NTM: variants seen among roughly 807,000 people sequenced by gnomAD.
NTM encodes neurotrimin.
In NTM, 13 loss-of-function variants were observed where a neutral mutation model predicts 42.1. That is an observed-to-expected ratio of 0.31 (90% CI 0.20 to 0.49). The LOEUF (loss-of-function observed/expected upper bound fraction) is 0.49. NTM is among the 20% of genes least tolerant of loss of function. The probability of loss-of-function intolerance (pLI) is 0.99; values close to 1 mark genes in which losing one functional copy is unlikely to be tolerated. For synonymous variants in NTM, 187 were observed against 179.2 expected (o/e 1.04, Z -0.35); for missense variants, 373 against 452.8 (o/e 0.82, Z 1.60).
chr11:132,183,818 T>C (rs181886430), intron 3 of NTM, among the ~76,000 whole-genome samples: 6 of 152,066 alleles, frequency 3.9e-5, no homozygotes, highest in Admixed American at 3.9e-4. Flanking sequence ...ATGACACCTG[T>C]GTTGTTAAAG....
chr11:132,024,400 T>C (rs1444606776), intron 2 of NTM, among the ~76,000 whole-genome samples: 2 of 152,182 alleles, frequency 1.3e-5, no homozygotes, highest in Non-Finnish European at 2.9e-5. Context: ...TTACCTAAAA[T>C]CGGAAATTAT....
intron 2 of NTM, among the ~76,000 whole-genome samples, chr11:132,087,356 G>A (rs549365339): frequency 3.3e-5 from 5 of 152,308 alleles, no homozygotes; most frequent in African/African-American, 1.2e-4. Flanking sequence ...GAAACAGGAG[G>A]CTTGGCTTAA....
At chr11:132,170,048 C>T (rs2075903297) in intron 3 of NTM, among the ~76,000 whole-genome samples, 1 of 152,178 alleles carries the variant, frequency 6.6e-6, no homozygotes, top group Non-Finnish European at 1.5e-5. Flanking sequence ...CATGGGGCTA[C>T]AGAAACCAGC....
intron 4 of NTM, among the ~76,000 whole-genome samples, chr11:132,232,989 A>T (rs937036051): frequency 2.0e-5 from 3 of 152,208 alleles, no homozygotes; most frequent in Non-Finnish European, 2.9e-5. Flanking sequence ...AGTTCACCTA[A>T]CCATTTCACA....
chr11:131,970,103 C>A (rs1055074577), intron 2 of NTM, among the ~76,000 whole-genome samples: 2 of 152,202 alleles, frequency 1.3e-5, no homozygotes, highest in African/African-American at 2.4e-5. Context: ...AGCCACTGCA[C>A]CCAGCTAATA....
At chr11:131,769,168 A>C (rs1406676431) in intron 1 of NTM, among the ~76,000 whole-genome samples, 2 of 152,200 alleles carry the variant, frequency 1.3e-5, no homozygotes, top group Non-Finnish European at 2.9e-5. Context: ...CCCTGCACTT[A>C]CCTCACAGAG....
intron 2 of NTM, among the ~76,000 whole-genome samples, chr11:131,966,839 C>T (rs2062896154): frequency 6.6e-6 from 1 of 152,140 alleles, no homozygotes; most frequent in South Asian, 2.1e-4. Context: ...TGAGGACAGA[C>T]ATGGTGGCAA....
chr11:132,147,621 A>G (rs78395953), intron 3 of NTM, among the ~76,000 whole-genome samples: 2,745 of 152,018 alleles, frequency 0.018, 87 homozygotes, highest in African/African-American at 0.062. Flanking sequence ...TGGGTCAAAT[A>G]TCTTATTTTG....
intron 1 of NTM, among the ~76,000 whole-genome samples, chr11:131,766,421 C>T (rs2085109035): frequency 2.0e-5 from 3 of 152,144 alleles, no homozygotes. Flanking sequence ...GACAGAATGG[C>T]AGCAAAATCA....
intron 1 of NTM, among the ~76,000 whole-genome samples, chr11:131,414,758 C>T (rs1035352315): frequency 3.9e-5 from 6 of 152,310 alleles, no homozygotes; most frequent in South Asian, 2.1e-4. Context: ...ATCAGCCTGC[C>T]TATTTCTTCA....
Position 131,574,671 on chromosome 11 carries a change from T to A in NTM, c.82+203783T>A, listed in dbSNP as rs189201378. Among the ~76,000 whole-genome samples, 324 of 152,146 alleles carry A rather than the reference T, an allele frequency of 2.1e-3. 5 individuals are homozygous for A. Among genetic ancestry groups the A allele is most frequent in the African/African-American group, 6.8e-3 (281 of 41,510 alleles). On this transcript the variant is annotated intron_variant, in intron 1 of 8. Transcript: ENST00000683400. ...CTACAGTCAATGCCAGTCCCAGAGT[T>A]CCTTGGGTGAAGAAGAAAGAGAAGT...
At chr11:131,563,179 C>A (rs1311474698) in intron 1 of NTM, among the ~76,000 whole-genome samples, 2 of 152,192 alleles carry the variant, frequency 1.3e-5, no homozygotes, top group Non-Finnish European at 2.9e-5. Context: ...GGCAAAGCTT[C>A]CTAGACCTTT....
chr11:131,650,665 C>A, intron 1 of NTM, among the ~76,000 whole-genome samples: 1 of 152,082 alleles, frequency 6.6e-6, no homozygotes, highest in African/African-American at 2.4e-5. Flanking sequence ...GTAAGAAGGG[C>A]TCTGTTGAGG....
At chr11:131,587,768 T>G (rs1303813304) in intron 1 of NTM, among the ~76,000 whole-genome samples, 2 of 151,976 alleles carry the variant, frequency 1.3e-5, no homozygotes, top group Non-Finnish European at 2.9e-5. Flanking sequence ...CAGAAACAAC[T>G]GGAGGAAGTA....
intron 4 of NTM, among the ~76,000 whole-genome samples, chr11:132,262,897 T>C (rs897755386): frequency 6.6e-6 from 1 of 152,212 alleles, no homozygotes; most frequent in African/African-American, 2.4e-5. Context: ...AAAATTTCTT[T>C]GCAGCTGTGA....
intron 4 of NTM, among the ~76,000 whole-genome samples, chr11:132,248,234 A>G (rs777810876): frequency 5.3e-5 from 8 of 152,178 alleles, no homozygotes; most frequent in Non-Finnish European, 8.8e-5. Context: ...TTGTCACTGT[A>G]GAGTTGAGAT....
chr11:131,469,288 T>C (rs1444636138), intron 1 of NTM, among the ~76,000 whole-genome samples: 4 of 152,236 alleles, frequency 2.6e-5, no homozygotes, highest in Non-Finnish European at 5.9e-5. Context: ...GGGCATCTTC[T>C]AAGGGTTTTA....
At chr11:131,588,753 G>A (rs996556378) in intron 1 of NTM, among the ~76,000 whole-genome samples, 10 of 152,154 alleles carry the variant, frequency 6.6e-5, no homozygotes, top group African/African-American at 1.2e-4. Flanking sequence ...AGAAAACTAC[G>A]TCAGACAAGG....
chr11:131,686,471 T>C (rs2073886106), intron 1 of NTM, among the ~76,000 whole-genome samples: 1 of 152,116 alleles, frequency 6.6e-6, no homozygotes, highest in Non-Finnish European at 1.5e-5. Flanking sequence ...TGGACCATCA[T>C]AAAGGTCTTC....
Sources: allele counts gnomAD v4.1 joint callset (sites outside exome capture counted in the v4.1 genomes callset), GRCh38; gene constraint gnomAD v4.1.1; transcripts MANE v1.5; gene names NCBI Gene and HGNC (gene_info 2026-07-23, HGNC 2026-07-21).